Variants in CFAP73 observed in about 807,000 individuals in gnomAD.
CFAP73 encodes cilia- and flagella-associated protein 73.
CFAP73 carries 33 observed loss-of-function variants against 42.9 expected under a neutral mutation model. The observed-to-expected ratio is 0.77, with a 90% CI of 0.58 to 1.03. The LOEUF is 1.03. CFAP73 is among the 50% of genes least tolerant of loss of function. The pLI, the probability that CFAP73 is intolerant of heterozygous loss-of-function variation, is 0.00. For synonymous variants in CFAP73, 162 were observed against 186.8 expected (o/e 0.87, Z 1.08); for missense variants, 392 against 411.9 (o/e 0.95, Z 0.42).
rs927692889 is a variant in CFAP73, at chr12:113,155,503, C to T, written c.849+85C>T. The T allele has an allele frequency of 3.6e-6, 5 of 1,389,782 alleles. No individual in the cohort carries two copies. In the African/African-American group the frequency reaches 4.3e-5, roughly 12 times the overall value. The allele number at this position is 1,389,782 out of a possible 1,614,324, so 86.1% of individuals were successfully genotyped here. ...GCCTAAAACCCCACAGTTAGTGACA[C>T]CTTCTCTGGGTTAAGCATGGCCCTC... On this transcript the variant is annotated intron_variant, in intron 6 of 7. Transcript: ENST00000335621.
At chr12:113,153,868 G>C (rs556528845) in intron 4 of CFAP73, among the ~76,000 whole-genome samples, 1 of 152,232 alleles carries the variant, frequency 6.6e-6, no homozygotes, top group East Asian at 1.9e-4. Context: ...CCAAAGTGCT[G>C]GGATTACAGG....
rs769901613 is a variant in CFAP73 at position 113,158,893 on chromosome 12, A to T, written c.*204A>T. On this transcript the variant is annotated 3_prime_UTR_variant, in exon 8 of 8. Transcript: ENST00000335621. This position sits in a 1 kb window ranked among gnomAD's most constrained non-coding sequence, Gnocchi z 4.9. ...TCCTGGTCCTCACATCCTCTTCCGC[A>T]TCTTGCCCTTCTTGGAGCGGGCACC... The T allele has an allele frequency of 1.2e-5, 19 of 1,605,236 alleles. No homozygotes were observed. The highest frequency in any genetic ancestry group is 1.6e-5 in the Non-Finnish European group (19 of 1,173,698).
At position 113,157,681 on chromosome 12, in the gene CFAP73, C is replaced by T; in HGVS notation, c.*2C>T. ...GAGCCTGCAGCCCCTGCCTCCTAGC[C>T]CTGACACAGGTGAGCAGCGGGAGAG... On this transcript the variant is annotated 3_prime_UTR_variant, in exon 7 of 8. Coordinates refer to ENST00000335621, the MANE Select transcript of CFAP73 (RefSeq NM_001144872.3). The T allele has an allele frequency of 6.4e-7, 1 of 1,551,338 alleles. No individual in the cohort carries two copies. Among genetic ancestry groups the T allele is most frequent in the South Asian group, 1.2e-5 (1 of 84,058 alleles).
In CFAP73 at chr12:113,158,632, G is replaced by T; in HGVS notation, c.*12-69G>T. The T allele has an allele frequency of 2.1e-6, 1 of 482,288 alleles. No homozygotes were observed. Among genetic ancestry groups the T allele is most frequent in the Non-Finnish European group, 3.6e-6 (1 of 278,704 alleles). 29.9% of individuals were successfully genotyped at this position (482,288 alleles called of 1,614,324 possible). A position where few individuals can be genotyped will look rare whatever the true frequency, so the allele number is the denominator to read the frequency against. On this transcript the variant is annotated intron_variant, in intron 7 of 7. Coordinates refer to ENST00000335621, the MANE Select transcript of CFAP73 (RefSeq NM_001144872.3). The surrounding 1 kb of genome is among the most constrained non-coding windows in gnomAD (Gnocchi z 4.9). ...CAGCTGAGTTGCCAACTCAAGTCTTGGCCTGCCTGGCTTTGCTGGCGAACT... is the reference window on the plus strand; with the variant it reads ...CAGCTGAGTTGCCAACTCAAGTCTTTGCCTGCCTGGCTTTGCTGGCGAACT...
chr12:113,158,841 G>A lies in CFAP73; in HGVS notation c.*152G>A, dbSNP rs1050822280. On this transcript the variant is annotated 3_prime_UTR_variant, in exon 8 of 8. Coordinates refer to ENST00000335621, the MANE Select transcript of CFAP73 (RefSeq NM_001144872.3). The surrounding 1 kb of genome is among the most constrained non-coding windows in gnomAD (Gnocchi z 4.9). ...GAACGTCTGCTGATGCCCACCCTAA[G>A]GCCAATCAAGGAGCCACGGGGCTGG... 2 of 1,557,684 alleles carry A rather than the reference G, an allele frequency of 1.3e-6. No individual in the cohort carries two copies. The highest frequency in any genetic ancestry group is 2.7e-5 in the African/African-American group (2 of 73,852).
At position 113,155,301 on chromosome 12, in the gene CFAP73, G is replaced by T; in HGVS notation, c.732G>T (p.Lys244Asn). 6.5e-7 allele frequency: 1 copy of T among 1,550,102 alleles called. No individual in the cohort carries two copies. The highest frequency in any genetic ancestry group is 8.7e-7 in the Non-Finnish European group (1 of 1,145,738). ...AGATTCAGAACACAGCAGCGGAGAA[G>T]ACTCTGCTCCTGGGACGCAGCAGGA... ...WIQIQNTAAE[K>N]TLLLGRSRMA... Residue 244 changes from lysine to asparagine, a missense_variant, in exon 6 of 8, where the codon AAG (lysine) becomes AAT (asparagine). Transcript: ENST00000335621.
intron 2 of CFAP73, among the ~76,000 whole-genome samples, chr12:113,152,434 T>A (rs1055667959): frequency 3.9e-5 from 6 of 152,164 alleles, no homozygotes; most frequent in African/African-American, 1.2e-4. Context: ...CAAGTCGGCT[T>A]ATCCAGCAAA....
intron 3 of CFAP73, 63 bp from the exon 4 acceptor site, chr12:113,153,145 G>A: frequency 7.1e-7 from 1 of 1,412,436 alleles, no homozygotes; most frequent in Admixed American, 2.9e-5. Context: ...CAGGATGGAG[G>A]TGCCGAACTC....
Position 113,154,399 on chromosome 12 carries a change from C to T in CFAP73, c.469-15C>T, listed in dbSNP as rs775718623. The T allele has an allele frequency of 6.5e-7, 1 of 1,548,392 alleles. No homozygotes were observed. The highest frequency in any genetic ancestry group is 2.5e-5 in the East Asian group (1 of 40,666). The stretch of plus-strand genomic sequence containing the variant: ...TGCAGGCCCATGTGAGTCCCTTCCC[C>T]GCCCCCGACTCTAGTTCCAAGAGGT... On this transcript the variant is annotated splice_polypyrimidine_tract_variant and intron_variant, in intron 4 of 7. Coordinates refer to ENST00000335621, the MANE Select transcript of CFAP73 (RefSeq NM_001144872.3). This position sits in a 1 kb window ranked among gnomAD's most constrained non-coding sequence, Gnocchi z 4.7.
Position 113,159,107 on chromosome 12 carries a change from C to T in CFAP73, c.*418C>T, listed in dbSNP as rs1290271779. On this transcript the variant is annotated 3_prime_UTR_variant, in exon 8 of 8. Transcript: ENST00000335621. ...GTGCCTGGGGCGTGGGGCCGGGATG[C>T]ACCTGCTGGGACAGGGATTCAGGGA... 2 of 1,592,930 alleles carry T rather than the reference C, an allele frequency of 1.3e-6. No homozygotes were observed. Among genetic ancestry groups the T allele is most frequent in the South Asian group, 2.2e-5 (2 of 89,076 alleles).
At chr12:113,152,658 G>A in intron 2 of CFAP73, 125 bp from the exon 3 acceptor site, 1 of 664,448 alleles carries the variant, frequency 1.5e-6, no homozygotes, top group South Asian at 1.8e-5. Context: ...GGGAGCCCCG[G>A]ATGGGTTGAG....
rs1952084767 is a variant in CFAP73 at position 113,153,409 on chromosome 12, G to C, written c.468+1G>C. 1.4e-6 allele frequency: 2 copies of C among 1,430,432 alleles called. No individual in the cohort carries two copies. Among genetic ancestry groups the C allele is most frequent in the African/African-American group, 1.5e-5 (1 of 66,856 alleles). 88.6% of individuals were successfully genotyped at this position (1,430,432 alleles called of 1,614,324 possible). A position where few individuals can be genotyped will look rare whatever the true frequency, so the allele number is the denominator to read the frequency against. ...GCAAGCGCTGGAGCTGCTGCCCGGGGTGAGTCCGGGGCAGGAGGCTGGGAG... is the reference window on the plus strand; with the variant it reads ...GCAAGCGCTGGAGCTGCTGCCCGGGCTGAGTCCGGGGCAGGAGGCTGGGAG... On this transcript the variant is annotated splice_donor_variant, in intron 4 of 7. Coordinates refer to ENST00000335621, the MANE Select transcript of CFAP73 (RefSeq NM_001144872.3). LOFTEE classifies it high-confidence loss of function.
Position 113,153,477 on chromosome 12 carries a change from C to T in CFAP73, c.468+69C>T, listed in dbSNP as rs1952085457. 6 of 1,256,298 alleles carry T rather than the reference C, an allele frequency of 4.8e-6. 2 individuals are homozygous for T. The South Asian group carries it at 1.1e-4, about 23-fold the overall frequency. The allele number at this position is 1,256,298 out of a possible 1,614,324, so 77.8% of individuals were successfully genotyped here. On this transcript the variant is annotated intron_variant, in intron 4 of 7. Coordinates refer to ENST00000335621, the MANE Select transcript of CFAP73 (RefSeq NM_001144872.3). Reference sequence around the variant, plus strand: ...GCGCTGAGTGGCTCAGGGACGGCTTCGGACCGGCGAACTACTGGTTCGCTG... The same window carrying T: ...GCGCTGAGTGGCTCAGGGACGGCTTTGGACCGGCGAACTACTGGTTCGCTG...
At chr12:113,150,755 G>A (rs1290910675) in intron 1 of CFAP73, among the ~76,000 whole-genome samples, 3 of 152,044 alleles carry the variant, frequency 2.0e-5, no homozygotes, top group Non-Finnish European at 4.4e-5. Flanking sequence ...TTAGAGTCAA[G>A]GCCAAAGTCT....
chr12:113,158,669 T>G lies in CFAP73; in HGVS notation c.*12-32T>G, dbSNP rs1952166172. On this transcript the variant is annotated intron_variant, in intron 7 of 7. Transcript: ENST00000335621. This position sits in a 1 kb window ranked among gnomAD's most constrained non-coding sequence, Gnocchi z 4.9. ...TTTGCTGGCGAACTCCTGCACACCC[T>G]TCAAGGCCCTGTTCAAATGTCTCTG... 3 of 601,746 alleles carry G rather than the reference T, an allele frequency of 5.0e-6. No homozygotes were observed. Among genetic ancestry groups the G allele is most frequent in the Non-Finnish European group, 8.3e-6 (3 of 362,968 alleles). The allele number at this position is 601,746 out of a possible 1,614,324, so 37.3% of individuals were successfully genotyped here.
chr12:113,155,175 GAAAA>G, intron 5 of CFAP73, 81 bp from the exon 6 acceptor site: 1 of 1,069,116 alleles, frequency 9.4e-7, no homozygotes, highest in South Asian at 1.9e-5. Context: ...ATCTCAAAAA[GAAAA>G]AAAAAAAAAG....
rs751437694 is a variant in CFAP73, at chr12:113,154,604, T to G, written c.659T>G (p.Leu220Arg). The change falls in exon 5 of 8, where the codon CTG (leucine) becomes CGG (arginine). Residue 220 changes from leucine (L) to arginine (R), a missense_variant. Transcript: ENST00000335621. The surrounding 1 kb of genome is among the most constrained non-coding windows in gnomAD (Gnocchi z 4.7). ...GQRRAQLQER[L>R]EAARERTLQW... is the part of the protein sequence containing the mutation. ...CGGCGGGCACAGCTGCAGGAGCGCC[T>G]GGAGGCTGCCAGGGAGCGTACGCTG... is the stretch of plus-strand genomic sequence containing the variant. The G allele has an allele frequency of 1.1e-4, 159 of 1,415,622 alleles. 3 individuals carry two copies. The Middle Eastern group carries it at 2.9e-3, about 26-fold the overall frequency. The allele number at this position is 1,415,622 out of a possible 1,614,324, so 87.7% of individuals were successfully genotyped here.
At position 113,154,255 on chromosome 12, in the gene CFAP73, G is replaced by A. The variant is rs1441470264; in HGVS notation, c.469-159G>A. ...ATCGCGCCACTGCACTCCAGCCCAG[G>A]TGACAGAGCGAGACCTTGTCTCTAA... On this transcript the variant is annotated intron_variant, in intron 4 of 7. Coordinates refer to ENST00000335621, the MANE Select transcript of CFAP73 (RefSeq NM_001144872.3). This position sits in a 1 kb window ranked among gnomAD's most constrained non-coding sequence, Gnocchi z 4.7. Among the ~76,000 whole-genome samples the A allele has an allele frequency of 2.6e-5, 4 of 152,212 alleles. No individual in the cohort carries two copies. Among genetic ancestry groups the A allele is most frequent in the African/African-American group, 7.2e-5 (3 of 41,464 alleles).
chr12:113,158,908 G>A lies in CFAP73; in HGVS notation c.*219G>A, dbSNP rs759318593. ...CCTCTTCCGCATCTTGCCCTTCTTGGAGCGGGCACCCCGGCCGAAGGCGCC... is the reference window on the plus strand; with the variant it reads ...CCTCTTCCGCATCTTGCCCTTCTTGAAGCGGGCACCCCGGCCGAAGGCGCC... On this transcript the variant is annotated 3_prime_UTR_variant, in exon 8 of 8. Coordinates refer to ENST00000335621, the MANE Select transcript of CFAP73 (RefSeq NM_001144872.3). The surrounding 1 kb of genome is among the most constrained non-coding windows in gnomAD (Gnocchi z 4.9). 5 of 1,607,396 alleles carry A rather than the reference G, an allele frequency of 3.1e-6. No individual in the cohort carries two copies. Among genetic ancestry groups the A allele is most frequent in the Non-Finnish European group, 4.3e-6 (5 of 1,175,292 alleles).
Sources: gnomAD v4.1 joint callset for allele counts (sites outside exome capture counted in the v4.1 genomes callset) on GRCh38, gnomAD v4.1.1 for gene constraint, Gnocchi (gnomAD v3.1) non-coding constraint, MANE v1.5 for transcripts, NCBI Gene and HGNC (gene_info 2026-07-23, HGNC 2026-07-21) for gene names.